The following SCRG1 variants were observed in gnomAD, a reference collection of about 807,000 sequenced individuals.
SCRG1 encodes the protein scrapie-responsive protein 1.
Under a neutral mutation model 7.7 loss-of-function variants are expected in SCRG1, and 3 were observed. The observed-to-expected ratio is 0.39, with a 90% CI of 0.18 to 1.01. The LOEUF (loss-of-function observed/expected upper bound fraction) is 1.01, where lower values mean the gene tolerates loss of function less well. Among genes scored for constraint, SCRG1 ranks in the 50% least tolerant of loss-of-function variants. The pLI is 0.36. For missense variants in SCRG1, 110 were observed against 117.2 expected (o/e 0.94, Z 0.28); for synonymous variants, 46 against 41.2 (o/e 1.12, Z -0.44).
chr4:173,406,441 G>A (rs1342492851), upstream of SCRG1: 3 of 152,142 alleles, frequency 2.0e-5, no homozygotes, highest in Non-Finnish European at 4.4e-5. Context: ...GTCACATTCT[G>A]TTTTTATCCT....
chr4:173,445,882 T>C, the SCRG1 span, among the ~76,000 whole-genome samples: 1 of 152,020 alleles, frequency 6.6e-6, no homozygotes, highest in South Asian at 2.1e-4. Flanking sequence ...GCCAGGCTGG[T>C]CTCGAACTCC....
chr4:173,485,965 G>GT, the SCRG1 span, among the ~76,000 whole-genome samples: 5 of 152,062 alleles, frequency 3.3e-5, no homozygotes, highest in Admixed American at 2.6e-4. Flanking sequence ...ATGAGACTCT[G>GT]TCTCAAAAAC....
chr4:173,456,279 A>G, the SCRG1 span, among the ~76,000 whole-genome samples: 1 of 152,228 alleles, frequency 6.6e-6, no homozygotes, highest in Non-Finnish European at 1.5e-5. Flanking sequence ...GATTGAAAAT[A>G]TATACTGAAT....
chr4:173,466,216 A>T, the SCRG1 span, among the ~76,000 whole-genome samples: 2 of 152,154 alleles, frequency 1.3e-5, no homozygotes, highest in Non-Finnish European at 2.9e-5. Context: ...TAAGCAATGC[A>T]CTCAAAGGGA....
At chr4:173,409,663 A>G (rs1231929801), upstream of SCRG1, among the ~76,000 whole-genome samples, 1 of 144,878 alleles carries the variant, frequency 6.9e-6, no homozygotes, top group Non-Finnish European at 1.5e-5. Context: ...ATCTCAGCTC[A>G]CTGCAACCTC....
the SCRG1 span, among the ~76,000 whole-genome samples, chr4:173,448,572 TC>T: frequency 1.3e-5 from 2 of 152,236 alleles, no homozygotes; most frequent in Admixed American, 6.5e-5. Context: ...AAAAGTTGTG[TC>T]CCTAGAAAAG....
At chr4:173,494,416 G>A in the SCRG1 span, among the ~76,000 whole-genome samples, 2 of 152,160 alleles carry the variant, frequency 1.3e-5, no homozygotes, top group African/African-American at 4.8e-5. Flanking sequence ...CGACAGGTGC[G>A]GAAGAAGAAA....
chr4:173,444,100 A>G, the SCRG1 span, among the ~76,000 whole-genome samples: 2 of 151,864 alleles, frequency 1.3e-5, no homozygotes, highest in African/African-American at 4.8e-5. Context: ...CAGCCTCTGA[A>G]GTAGCTGGGA....
At chr4:173,495,081 C>T in the SCRG1 span, among the ~76,000 whole-genome samples, 1 of 152,194 alleles carries the variant, frequency 6.6e-6, no homozygotes, top group Non-Finnish European at 1.5e-5. Context: ...GAAAACAGGG[C>T]CTTCGGTAAC....
chr4:173,486,012 C>G, the SCRG1 span, among the ~76,000 whole-genome samples: 81 of 152,240 alleles, frequency 5.3e-4, no homozygotes, highest in African/African-American at 1.9e-3. Flanking sequence ...TCTCTCTACT[C>G]TCTTCATAAA....
chr4:173,386,114 C>T lies in SCRG1; in HGVS notation c.*2227G>A, dbSNP rs1739234938. 1 of 152,042 alleles carries T rather than the reference C, an allele frequency of 6.6e-6. No homozygotes were observed. The highest frequency in any genetic ancestry group is 2.4e-5 in the African/African-American group (1 of 41,402). 9.4% of individuals were successfully genotyped at this position (152,042 alleles called of 1,614,324 possible). ...TATAGGAGCTTACACTGTTCGAAAA[C>T]ATGTTCTGACTTGTGTTTATATACA... On this transcript the variant is annotated 3_prime_UTR_variant, in exon 3 of 3. Coordinates refer to ENST00000296506, the MANE Select transcript of SCRG1 (RefSeq NM_007281.4).
the SCRG1 span, among the ~76,000 whole-genome samples, chr4:173,490,412 A>G: frequency 1.3e-5 from 2 of 152,170 alleles, no homozygotes; most frequent in African/African-American, 4.8e-5. Context: ...CTGGATTTCA[A>G]AACAACCCCA....
the SCRG1 span, among the ~76,000 whole-genome samples, chr4:173,501,916 T>G: frequency 6.6e-6 from 1 of 152,202 alleles, no homozygotes; most frequent in African/African-American, 2.4e-5. The surrounding 1 kb of genome is among the most constrained non-coding windows in gnomAD (Gnocchi z 5.1). Flanking sequence ...AACCAGGATC[T>G]ATTGTCTCAG....
chr4:173,457,289 C>G, the SCRG1 span, among the ~76,000 whole-genome samples: 1 of 152,154 alleles, frequency 6.6e-6, no homozygotes, highest in African/African-American at 2.4e-5. Context: ...ATTCTGAAGA[C>G]AGAAAGGCAC....
the SCRG1 span, among the ~76,000 whole-genome samples, chr4:173,483,377 TTATATATTATATATTATATCATGA>T: frequency 1.2e-4 from 2 of 16,150 alleles, 1 homozygote; most frequent in Non-Finnish European, 2.4e-4. Flanking sequence ...TAATATTATA[TTATATATTATATATTATATCATGA>T]TATATATTAT....
the SCRG1 span, among the ~76,000 whole-genome samples, chr4:173,438,455 C>G: frequency 6.6e-6 from 1 of 152,006 alleles, no homozygotes; most frequent in South Asian, 2.1e-4. Flanking sequence ...CCTGCAGTTT[C>G]AACTAAATCT....
At chr4:173,435,795 C>T in the SCRG1 span, among the ~76,000 whole-genome samples, 1 of 152,172 alleles carries the variant, frequency 6.6e-6, no homozygotes, top group South Asian at 2.1e-4. Flanking sequence ...ACTGCTGGTG[C>T]AGACCTGTCT....
At chr4:173,404,797 G>A (rs984140883) in intron 1 of SCRG1, among the ~76,000 whole-genome samples, 2 of 152,068 alleles carry the variant, frequency 1.3e-5, no homozygotes, top group African/African-American at 4.8e-5. Context: ...TGTAAAATAA[G>A]GGGTTTAATT....
the SCRG1 span, among the ~76,000 whole-genome samples, chr4:173,439,068 C>T: frequency 8.5e-5 from 13 of 152,170 alleles, no homozygotes; most frequent in South Asian, 4.1e-4. Context: ...TGATTATCCA[C>T]GTGCTTTCTT....
Sources: gnomAD v4.1 joint callset for allele counts (sites outside exome capture counted in the v4.1 genomes callset) on GRCh38, gnomAD v4.1.1 for gene constraint, Gnocchi (gnomAD v3.1) non-coding constraint, MANE v1.5 for transcripts, NCBI Gene and HGNC (gene_info 2026-07-23, HGNC 2026-07-21) for gene names.